The following PPP2R2B variants were observed in gnomAD, a reference collection of about 807,000 sequenced individuals.
The protein encoded by PPP2R2B is protein phosphatase 2 regulatory subunit Bbeta.
Under a neutral mutation model 46.0 loss-of-function variants are expected in PPP2R2B, and 5 were observed. That is an observed-to-expected ratio of 0.11 (90% CI 0.06 to 0.23). The LOEUF is 0.23. Among genes scored for constraint, PPP2R2B ranks in the 10% least tolerant of loss-of-function variants. The pLI, the probability that PPP2R2B is intolerant of heterozygous loss-of-function variation, is 1.00. For missense variants in PPP2R2B, 367 were observed against 575.0 expected (o/e 0.64, Z 3.70); for synonymous variants, 215 against 206.7 (o/e 1.04, Z -0.34).
intron 2 of PPP2R2B, among the ~76,000 whole-genome samples, chr5:146,734,424 C>G (rs890438080): frequency 1.3e-5 from 2 of 152,136 alleles, no homozygotes; most frequent in African/African-American, 4.8e-5. Context: ...CTCATAACTA[C>G]CTATCTACTT....
intron 5 of PPP2R2B, among the ~76,000 whole-genome samples, chr5:146,670,718 A>C (rs1328263410): frequency 1.3e-5 from 2 of 151,734 alleles, no homozygotes; most frequent in South Asian, 4.2e-4. Context: ...CTGGTCTCGA[A>C]CTCCTGACTT....
At chr5:146,777,976 AAGGAATTTATACACATGGC>A (rs1755291157) in intron 2 of PPP2R2B, among the ~76,000 whole-genome samples, 2 of 152,322 alleles carry the variant, frequency 1.3e-5, no homozygotes, top group African/African-American at 4.8e-5. Context: ...GAAATTGTAG[AAGGAATTTATACACATGGC>A]AGGATGTTAG....
intron 1 of PPP2R2B, among the ~76,000 whole-genome samples, chr5:146,961,240 C>T (rs537878569): frequency 8.5e-5 from 13 of 152,134 alleles, no homozygotes; most frequent in East Asian, 1.9e-4. Flanking sequence ...GCAACAAAAA[C>T]GCTTAGGAAG....
At chr5:146,716,315 T>C (rs533049849) in intron 2 of PPP2R2B, among the ~76,000 whole-genome samples, 4 of 152,336 alleles carry the variant, frequency 2.6e-5, no homozygotes, top group African/African-American at 7.2e-5. Context: ...ATCCATGACA[T>C]TGTCACTTAC....
intron 1 of PPP2R2B, among the ~76,000 whole-genome samples, chr5:147,004,211 C>G (rs1323453903): frequency 6.6e-6 from 1 of 152,096 alleles, no homozygotes; most frequent in East Asian, 1.9e-4. Flanking sequence ...AAAGACTGTC[C>G]AATGAGAAAC....
chr5:146,718,997 C>T (rs776846772), intron 2 of PPP2R2B, among the ~76,000 whole-genome samples: 15 of 152,214 alleles, frequency 9.9e-5, no homozygotes, highest in East Asian at 1.9e-4. Context: ...GCAACAACCA[C>T]ACCTGCAGCA....
At chr5:146,919,665 G>A (rs1172770549) in intron 1 of PPP2R2B, 1 of 152,144 alleles carries the variant, frequency 6.6e-6, no homozygotes, top group African/African-American at 2.4e-5. Context: ...TTTTAATGGG[G>A]TGCCCCTGAA....
intron 7 of PPP2R2B, among the ~76,000 whole-genome samples, chr5:146,621,082 C>T (rs543608299): frequency 6.6e-6 from 1 of 152,362 alleles, no homozygotes; most frequent in South Asian, 2.1e-4. Context: ...TACGACAGCC[C>T]ATCTTGGCAT....
intron 1 of PPP2R2B, among the ~76,000 whole-genome samples, chr5:146,971,968 C>A (rs1364914893): frequency 6.6e-6 from 1 of 152,108 alleles, no homozygotes; most frequent in Admixed American, 6.6e-5. Flanking sequence ...TTACTATTAC[C>A]TAAACTTCAA....
chr5:146,931,605 GT>G (rs1309547555), intron 1 of PPP2R2B, among the ~76,000 whole-genome samples: 1 of 152,082 alleles, frequency 6.6e-6, no homozygotes, highest in Non-Finnish European at 1.5e-5. Context: ...CTAGTCGAGG[GT>G]AAACAAGAGG....
At chr5:146,888,491 T>C (rs909973199) in intron 1 of PPP2R2B, among the ~76,000 whole-genome samples, 3 of 152,168 alleles carry the variant, frequency 2.0e-5, no homozygotes, top group Non-Finnish European at 4.4e-5. Flanking sequence ...TTCGAACCAG[T>C]CTCTGATCCT....
chr5:146,985,002 A>T (rs1753353820), intron 1 of PPP2R2B, among the ~76,000 whole-genome samples: 1 of 149,036 alleles, frequency 6.7e-6, no homozygotes, highest in African/African-American at 2.5e-5. Context: ...TATAGTTTGC[A>T]AATATTTTCT....
At chr5:146,792,625 T>C (rs1756273801) in intron 2 of PPP2R2B, among the ~76,000 whole-genome samples, 1 of 152,122 alleles carries the variant, frequency 6.6e-6, no homozygotes, top group Non-Finnish European at 1.5e-5. Context: ...CAATTTCAAA[T>C]AGGTACTCAA....
At chr5:146,780,544 C>T (rs1455169219) in intron 2 of PPP2R2B, among the ~76,000 whole-genome samples, 1 of 152,186 alleles carries the variant, frequency 6.6e-6, no homozygotes, top group African/African-American at 2.4e-5. Context: ...CTAAGTATTA[C>T]ATTTTCTACA....
upstream of PPP2R2B, among the ~76,000 whole-genome samples, chr5:146,882,109 C>T (rs1181367498): frequency 6.6e-6 from 1 of 151,882 alleles, no homozygotes; most frequent in Non-Finnish European, 1.5e-5. Flanking sequence ...AACCCTGTCT[C>T]TACTAAAAAT....
intron 5 of PPP2R2B, among the ~76,000 whole-genome samples, chr5:146,655,170 G>A (rs1776240464): frequency 6.6e-6 from 1 of 152,084 alleles, no homozygotes; most frequent in South Asian, 2.1e-4. Context: ...CATTCTCCTA[G>A]GCTGCTTTCA....
At chr5:146,881,410 T>A (rs1762164844), upstream of PPP2R2B, among the ~76,000 whole-genome samples, 1 of 152,114 alleles carries the variant, frequency 6.6e-6, no homozygotes, top group Non-Finnish European at 1.5e-5. Context: ...TTTCTTTTTT[T>A]ATTTTATTTA....
At chr5:146,917,444 T>C (rs909249874) in intron 1 of PPP2R2B, among the ~76,000 whole-genome samples, 1 of 152,248 alleles carries the variant, frequency 6.6e-6, no homozygotes, top group African/African-American at 2.4e-5. Flanking sequence ...CAGCATTATA[T>C]ATGAGCCTCA....
chr5:146,742,575 T>C (rs1320253837), intron 2 of PPP2R2B, among the ~76,000 whole-genome samples: 1 of 152,090 alleles, frequency 6.6e-6, no homozygotes, highest in African/African-American at 2.4e-5. Context: ...CTCTGCAGGG[T>C]AGAGAATAGA....
Sources: allele counts gnomAD v4.1 joint callset (sites outside exome capture counted in the v4.1 genomes callset), GRCh38; gene constraint gnomAD v4.1.1; transcripts MANE v1.5; gene names NCBI Gene and HGNC (gene_info 2026-07-23, HGNC 2026-07-21).